Variants in TSG101 observed in about 807,000 individuals in gnomAD.
TSG101 encodes the protein tumor susceptibility gene 101 protein.
A neutral mutation model predicts 48.5 loss-of-function variants in TSG101; 19 were observed. That is an observed-to-expected ratio of 0.39 (90% confidence interval 0.27 to 0.58). The LOEUF (loss-of-function observed/expected upper bound fraction) is 0.58. TSG101 is among the 20% of genes least tolerant of loss of function. TSG101 has a pLI of 0.55. For missense variants in TSG101, 365 were observed against 484.4 expected (o/e 0.75, Z 2.31); for synonymous variants, 174 against 169.4 (o/e 1.03, Z -0.21).
At chr11:18,521,226 T>TGA (rs1850267469) in intron 1 of TSG101, among the ~76,000 whole-genome samples, 1 of 151,994 alleles carries the variant, frequency 6.6e-6, no homozygotes, top group African/African-American at 2.4e-5. Context: ...CACTCAGCAT[T>TGA]TCACTGAAAT....
chr11:18,519,498 A>G, intron 2 of TSG101, 21 bp downstream of exon 2: 5 of 1,554,966 alleles, frequency 3.2e-6, no homozygotes, highest in Admixed American at 1.8e-5. Flanking sequence ...AGAAATTGCT[A>G]TTTTTACTGC....
intron 5 of TSG101, 93 bp downstream of exon 5, chr11:18,509,449 C>T (rs1202263245): frequency 6.8e-7 from 1 of 1,463,866 alleles, no homozygotes; most frequent in Admixed American, 2.2e-5. Context: ...AACTAAAAAG[C>T]AAAGAAGTCA....
At chr11:18,483,434 T>A (rs1849573540) in intron 8 of TSG101, among the ~76,000 whole-genome samples, 1 of 148,448 alleles carries the variant, frequency 6.7e-6, no homozygotes, top group Non-Finnish European at 1.5e-5. Context: ...GGGTGGAGGT[T>A]GCAGTGAGCC....
intron 9 of TSG101, 62 bp from the exon 10 acceptor site, chr11:18,480,697 T>A (rs991779559): frequency 6.7e-7 from 1 of 1,490,488 alleles, no homozygotes; most frequent in Non-Finnish European, 9.2e-7. Context: ...AGGCATAAAA[T>A]AGACAATTTG....
intron 9 of TSG101, 55 bp from the exon 10 acceptor site, chr11:18,480,690 C>CAT (rs1427964876): frequency 2.0e-6 from 3 of 1,521,872 alleles, no homozygotes; most frequent in East Asian, 4.6e-5. Context: ...TAGGCCCAGG[C>CAT]ATAAAATAGA....
intron 7 of TSG101, among the ~76,000 whole-genome samples, chr11:18,494,405 A>G (rs1354011304): frequency 1.3e-5 from 2 of 152,250 alleles, no homozygotes; most frequent in East Asian, 3.8e-4. Flanking sequence ...CTATAGGAAT[A>G]ACGACAGGAA....
chr11:18,526,359 G>T (rs1234035994), intron 1 of TSG101, among the ~76,000 whole-genome samples: 1 of 152,248 alleles, frequency 6.6e-6, no homozygotes, highest in Non-Finnish European at 1.5e-5. Flanking sequence ...GTCGGCAAAA[G>T]AAAGGCTAAG....
intron 7 of TSG101, among the ~76,000 whole-genome samples, chr11:18,485,746 A>G (rs1431098205): frequency 1.3e-5 from 2 of 152,356 alleles, no homozygotes; most frequent in South Asian, 2.1e-4. Context: ...ATGTGGTTGG[A>G]AACAGTGCTG....
chr11:18,524,128 C>G (rs1282395604), intron 1 of TSG101, among the ~76,000 whole-genome samples: 1 of 152,158 alleles, frequency 6.6e-6, no homozygotes. Flanking sequence ...GTGACTGTGC[C>G]TCTAGAAATG....
At chr11:18,516,710 G>A (rs1456083475) in intron 2 of TSG101, among the ~76,000 whole-genome samples, 2 of 151,940 alleles carry the variant, frequency 1.3e-5, no homozygotes, top group Non-Finnish European at 2.9e-5. Flanking sequence ...GAGAGGCCGA[G>A]GCAGGTGGAT....
At chr11:18,506,103 A>C (rs1344515048) in intron 6 of TSG101, among the ~76,000 whole-genome samples, 1 of 152,148 alleles carries the variant, frequency 6.6e-6, no homozygotes, top group Non-Finnish European at 1.5e-5. Context: ...GGGTAAGATT[A>C]CAGGTGTGAG....
intron 5 of TSG101, among the ~76,000 whole-genome samples, chr11:18,508,055 C>G (rs1293174882): frequency 1.3e-5 from 2 of 150,696 alleles, no homozygotes; most frequent in Non-Finnish European, 2.9e-5. Context: ...GATCATACCA[C>G]TGCACTCCGG....
chr11:18,506,990 A>C lies in TSG101; in HGVS notation c.482-67T>G. ...GCCTGAATATGTAGGCTACTGAATA[A>C]GATATACATCACACTGTCAATACAC... is the stretch of plus-strand genomic sequence containing the variant. On this transcript the variant is annotated intron_variant, in intron 5 of 9. Transcript: ENST00000251968. The C allele has an allele frequency of 1.1e-5, 15 of 1,317,872 alleles. No individual in the cohort carries two copies. In the South Asian group the frequency reaches 1.7e-4, roughly 15 times the overall value. The allele number at this position is 1,317,872 out of a possible 1,614,324, so 81.6% of individuals were successfully genotyped here. A position where few individuals can be genotyped will look rare whatever the true frequency, so the allele number is the denominator to read the frequency against.
intron 6 of TSG101, among the ~76,000 whole-genome samples, chr11:18,503,201 C>T (rs999458446): frequency 1.3e-5 from 2 of 152,152 alleles, no homozygotes; most frequent in Non-Finnish European, 2.9e-5. Flanking sequence ...ACATCCCTGA[C>T]AAATGGTCAT....
intron 8 of TSG101, among the ~76,000 whole-genome samples, chr11:18,482,232 C>A (rs1849551907): frequency 6.6e-6 from 1 of 152,200 alleles, no homozygotes; most frequent in Admixed American, 6.5e-5. Context: ...AAATGGGCAC[C>A]TGCCATAGGA....
rs1849544587 is a variant in TSG101 at position 18,481,748 on chromosome 11, G to A, written c.965C>T (p.Ala322Val). 1.2e-6 allele frequency: 2 copies of A among 1,614,148 alleles called. No individual in the cohort carries two copies. Among genetic ancestry groups the A allele is most frequent in the Non-Finnish European group, 1.7e-6 (2 of 1,180,018 alleles). The change falls in exon 9 of 10, where the codon GCT (alanine) becomes GTT (valine). Residue 322 changes from alanine to valine, a missense_variant. Transcript: ENST00000251968. ...NDIDEVIIPT[A>V]PLYKQILNLY... ...ATTCAGGATCTGTTTGTATAAGGGA[G>A]CTGTGGGAATGATAACTTCATCGAT...
At chr11:18,482,814 T>C (rs1489670648) in intron 8 of TSG101, among the ~76,000 whole-genome samples, 1 of 152,234 alleles carries the variant, frequency 6.6e-6, no homozygotes, top group Non-Finnish European at 1.5e-5. Flanking sequence ...TCCTTTTAAG[T>C]CTGCTCCTAA....
At position 18,526,842 on chromosome 11, in the gene TSG101, C is replaced by G. The variant is rs1477101509; in HGVS notation, c.-26G>C. The G allele has an allele frequency of 6.3e-7, 1 of 1,597,272 alleles. No homozygotes were observed. Among genetic ancestry groups the G allele is most frequent in the South Asian group, 1.1e-5 (1 of 90,162 alleles). ...GACGGCCGCCTGGCGACTCCCTTCCCCGCAGGCAGAGGGTCAGCCGCTGCT... is the reference window on the plus strand; with the variant it reads ...GACGGCCGCCTGGCGACTCCCTTCCGCGCAGGCAGAGGGTCAGCCGCTGCT... On this transcript the variant is annotated 5_prime_UTR_variant, in exon 1 of 10. Transcript: ENST00000251968.
At chr11:18,522,565 C>G (rs72871768) in intron 1 of TSG101, among the ~76,000 whole-genome samples, 34 of 152,158 alleles carry the variant, frequency 2.2e-4, no homozygotes, top group Non-Finnish European at 4.1e-4. Context: ...AGCCTCCTTA[C>G]GTGTCTCTGC....
Sources: gnomAD v4.1 joint callset for allele counts (sites outside exome capture counted in the v4.1 genomes callset) on GRCh38, gnomAD v4.1.1 for gene constraint, MANE v1.5 for transcripts, NCBI Gene and HGNC (gene_info 2026-07-23, HGNC 2026-07-21) for gene names.